The following DDR2 variants were observed in gnomAD, a reference collection of about 807,000 sequenced individuals.
DDR2 encodes the protein discoidin domain receptor tyrosine kinase 2, also known as discoidin domain-containing receptor 2.
DDR2 carries 27 observed loss-of-function variants against 94.9 expected under a neutral mutation model. That is an observed-to-expected ratio of 0.28 (90% CI 0.21 to 0.39). The LOEUF is 0.39. Ranked by LOEUF, DDR2 falls within the 10% of genes least tolerant of loss-of-function variation. The pLI is 1.00. For synonymous variants in DDR2, 382 were observed against 377.2 expected, an observed-to-expected ratio of 1.01 and a Z score of -0.15; for missense variants, 783 against 1,076.0, an observed-to-expected ratio of 0.73 and a Z score of 3.81.
rs1647843759 is a variant in DDR2, at chr1:162,780,459, A to T, written c.*213A>T. 1 of 626,998 alleles carries T rather than the reference A, an allele frequency of 1.6e-6. No homozygotes were observed. Among genetic ancestry groups the T allele is most frequent in the African/African-American group, 1.8e-5 (1 of 54,208 alleles). 38.8% of individuals were successfully genotyped at this position (626,998 alleles called of 1,614,324 possible). A position where few individuals can be genotyped will look rare whatever the true frequency, so the allele number is the denominator to read the frequency against. ...TACATTAAAGAACTAAAAAAGGAAAAAAAAAAGCCTAGGGCAGATACAATC... is the reference window on the plus strand; with the variant it reads ...TACATTAAAGAACTAAAAAAGGAAATAAAAAAGCCTAGGGCAGATACAATC... On this transcript the variant is annotated 3_prime_UTR_variant, in exon 18 of 18. Transcript: ENST00000367921.
intron 1 of DDR2, among the ~76,000 whole-genome samples, chr1:162,642,476 G>T (rs1657189327): frequency 6.8e-6 from 1 of 147,848 alleles, no homozygotes; most frequent in African/African-American, 2.5e-5. Context: ...TTTCAGTAGA[G>T]ATGGGGTTTT....
intron 1 of DDR2, among the ~76,000 whole-genome samples, chr1:162,652,289 C>A (rs1458990906): frequency 6.6e-6 from 1 of 152,150 alleles, no homozygotes; most frequent in Admixed American, 6.5e-5. Context: ...CAAATGCAAA[C>A]CACACTGACC....
chr1:162,772,427 T>TCAAAAATCA (rs1647276592), intron 13 of DDR2, 180 bp downstream of exon 13: 2 of 691,648 alleles, frequency 2.9e-6, no homozygotes, highest in Admixed American at 2.4e-5. Context: ...CAAATAGCTG[T>TCAAAAATCA]GGAGTTCCTG....
intron 2 of DDR2, among the ~76,000 whole-genome samples, chr1:162,681,305 G>T (rs1163552282): frequency 6.6e-6 from 1 of 152,156 alleles, no homozygotes; most frequent in African/African-American, 2.4e-5. Context: ...TACAATTGTA[G>T]ATTGATTGAG....
At chr1:162,631,977 C>T (rs1656578698), upstream of DDR2, 1 of 151,808 alleles carries the variant, frequency 6.6e-6, no homozygotes, top group African/African-American at 2.4e-5. Context: ...GAGAGCTCAG[C>T]TCTAGGCTTT....
intron 8 of DDR2, 50 bp from the exon 9 acceptor site, chr1:162,761,161 T>A: frequency 6.2e-7 from 1 of 1,612,562 alleles, no homozygotes; most frequent in Non-Finnish European, 8.5e-7. Context: ...TGTGTCTCCA[T>A]GCACCTTAGC....
In DDR2 at chr1:162,767,898, G is replaced by A. The variant is rs563037448; in HGVS notation, c.1293+539G>A. Among the ~76,000 whole-genome samples the A allele has an allele frequency of 5.7e-4, 86 of 151,956 alleles. 1 individual carries two copies. The highest frequency in any genetic ancestry group is 1.9e-3 in the African/African-American group (79 of 41,446). On this transcript the variant is annotated intron_variant, in intron 11 of 17. Transcript: ENST00000367921. ...CTCACTATTCTATTTCTACTTTTGT[G>A]TACTTGAAGGTTGTGATTATGTATC...
chr1:162,643,573 C>T (rs1657254704), intron 1 of DDR2, among the ~76,000 whole-genome samples: 1 of 151,844 alleles, frequency 6.6e-6, no homozygotes, highest in Admixed American at 6.6e-5. Context: ...CTCCGCCTCC[C>T]CGGCTCAGGT....
intron 2 of DDR2, among the ~76,000 whole-genome samples, chr1:162,696,329 C>T (rs932975274): frequency 2.6e-5 from 4 of 151,824 alleles, no homozygotes; most frequent in African/African-American, 9.7e-5. Flanking sequence ...AAAAGAGCCT[C>T]CCCTTTCTGA....
At chr1:162,669,213 G>A (rs1320802964) in intron 2 of DDR2, among the ~76,000 whole-genome samples, 1 of 152,080 alleles carries the variant, frequency 6.6e-6, no homozygotes, top group South Asian at 2.1e-4. Flanking sequence ...CTCAATGTAA[G>A]CAACTTATTA....
intron 1 of DDR2, among the ~76,000 whole-genome samples, chr1:162,647,367 C>T (rs1558003474): frequency 6.6e-6 from 1 of 152,138 alleles, no homozygotes; most frequent in African/African-American, 2.4e-5. Context: ...TAAATCATAG[C>T]TCTAAGGTCA....
chr1:162,721,505 A>G (rs1055026292), intron 3 of DDR2, among the ~76,000 whole-genome samples: 1 of 152,232 alleles, frequency 6.6e-6, no homozygotes, highest in Admixed American at 6.5e-5. Flanking sequence ...AGACATTTTC[A>G]TTCATTATCA....
intron 2 of DDR2, among the ~76,000 whole-genome samples, chr1:162,699,063 A>G (rs1417713870): frequency 6.6e-6 from 1 of 152,222 alleles, no homozygotes; most frequent in African/African-American, 2.4e-5. Flanking sequence ...GTTGTCTGCA[A>G]TGGGAAGCTC....
intron 6 of DDR2, among the ~76,000 whole-genome samples, 172 bp from the exon 7 acceptor site, chr1:162,755,492 A>G (rs181098191): frequency 2.0e-5 from 3 of 152,326 alleles, no homozygotes; most frequent in East Asian, 3.9e-4. Context: ...TCATGCATTC[A>G]GAGTCATTAC....
intron 3 of DDR2, among the ~76,000 whole-genome samples, chr1:162,724,460 T>A (rs1048853883): frequency 6.6e-6 from 1 of 152,140 alleles, no homozygotes; most frequent in Non-Finnish European, 1.5e-5. Flanking sequence ...CTAGAAGCCC[T>A]GCGGGCCAAC....
At chr1:162,648,265 T>C (rs1028778853) in intron 1 of DDR2, among the ~76,000 whole-genome samples, 2 of 151,940 alleles carry the variant, frequency 1.3e-5, no homozygotes, top group African/African-American at 2.4e-5. Flanking sequence ...ATGCTGCAAA[T>C]TGAATAAGAA....
intron 2 of DDR2, among the ~76,000 whole-genome samples, chr1:162,656,410 A>G (rs992373): frequency 0.83 from 126,221 of 151,688 alleles, 53,174 homozygotes; most frequent in Middle Eastern, 0.92. Context: ...TCTCCCTGTC[A>G]AGATGCTTTT....
chr1:162,724,058 C>T (rs1235001615), intron 3 of DDR2, among the ~76,000 whole-genome samples: 2 of 152,164 alleles, frequency 1.3e-5, no homozygotes, highest in Non-Finnish European at 2.9e-5. Context: ...CTAGACTGTT[C>T]ATGTTGGAAT....
chr1:162,699,265 G>T (rs185986623), intron 2 of DDR2, among the ~76,000 whole-genome samples: 4 of 152,338 alleles, frequency 2.6e-5, no homozygotes, highest in Admixed American at 2.6e-4. Flanking sequence ...TTATAAATCT[G>T]AACACTTTCC....
Sources: gnomAD v4.1 joint callset for allele counts (sites outside exome capture counted in the v4.1 genomes callset) on GRCh38, gnomAD v4.1.1 for gene constraint, MANE v1.5 for transcripts, NCBI Gene and HGNC (gene_info 2026-07-23, HGNC 2026-07-21) for gene names.